The following SEMA3D variants were observed in gnomAD, a reference collection of about 807,000 sequenced individuals.
SEMA3D encodes the protein semaphorin 3D.
In SEMA3D, 84 loss-of-function variants were observed where a neutral mutation model predicts 100.1. The observed-to-expected ratio is 0.84, with a 90% CI of 0.70 to 1.01. The LOEUF is 1.01. Ranked by LOEUF, SEMA3D falls within the 50% of genes least tolerant of loss-of-function variation. The pLI is 0.00. For synonymous variants in SEMA3D, 312 were observed against 320.7 expected (o/e 0.97, Z 0.29); for missense variants, 875 against 934.1 (o/e 0.94, Z 0.82).
chr7:85,138,721 G>C (rs1265074192), intron 2 of SEMA3D, among the ~76,000 whole-genome samples: 1 of 149,778 alleles, frequency 6.7e-6, no homozygotes, highest in Non-Finnish European at 1.5e-5. Flanking sequence ...TGTGCAGGTG[G>C]GTTACATAGG....
the SEMA3D span, among the ~76,000 whole-genome samples, chr7:85,203,636 CA>C: frequency 6.6e-6 from 1 of 152,042 alleles, no homozygotes. Context: ...GTGAGAATGT[CA>C]GCAGTGTTAA....
chr7:85,051,610 G>A (rs1375629340), intron 9 of SEMA3D, among the ~76,000 whole-genome samples: 1 of 151,840 alleles, frequency 6.6e-6, no homozygotes, highest in Non-Finnish European at 1.5e-5. Flanking sequence ...TTCAAGATCT[G>A]CCAGTGTACT....
In SEMA3D at chr7:85,034,212, T is replaced by G. The variant is rs375596941; in HGVS notation, c.1191+2677A>C. ...TGTTTGTAAAACCTTTAGAATAATATCCCCATATCCTAAGTGCTATATTAC... is the reference window on the plus strand; with the variant it reads ...TGTTTGTAAAACCTTTAGAATAATAGCCCCATATCCTAAGTGCTATATTAC... On this transcript the variant is annotated intron_variant, in intron 12 of 18. Coordinates refer to ENST00000284136, the MANE Select transcript of SEMA3D (RefSeq NM_001384900.1). Among the ~76,000 whole-genome samples, 5 of 152,158 alleles carry G rather than the reference T, an allele frequency of 3.3e-5. No homozygotes were observed. In the East Asian group the frequency reaches 5.8e-4, roughly 18 times the overall value.
the SEMA3D span, among the ~76,000 whole-genome samples, chr7:85,233,229 G>C: frequency 6.6e-6 from 1 of 151,606 alleles, no homozygotes; most frequent in African/African-American, 2.4e-5. Flanking sequence ...TTGAACAACG[G>C]CTAGCGCGAA....
chr7:85,232,729 G>A, the SEMA3D span, among the ~76,000 whole-genome samples: 1 of 152,132 alleles, frequency 6.6e-6, no homozygotes, highest in Non-Finnish European at 1.5e-5. Context: ...ACAGGTGGAG[G>A]TTAGAGACTT....
chr7:85,020,299 A>T lies in SEMA3D; in HGVS notation c.1437T>A (p.Val479=). ...LGTDIGTVLK[V]VSISKEKWNM... is the part of the protein sequence containing the mutation. ...TCCACTTTTCCTTTGAAATGCTGACAACTTTGAGGACAGTTCCAATGTCTG... is the reference window on the plus strand; with the variant it reads ...TCCACTTTTCCTTTGAAATGCTGACTACTTTGAGGACAGTTCCAATGTCTG... Residue 479 remains valine, a synonymous_variant, in exon 14 of 19, where the codon GTT becomes GTA. Coordinates refer to ENST00000284136, the MANE Select transcript of SEMA3D (RefSeq NM_001384900.1). 3 of 1,609,856 alleles carry T rather than the reference A, an allele frequency of 1.9e-6. No homozygotes were observed. The highest frequency in any genetic ancestry group is 8.5e-7 in the Non-Finnish European group (1 of 1,177,226).
chr7:85,232,736 A>T, the SEMA3D span, among the ~76,000 whole-genome samples: 1 of 152,184 alleles, frequency 6.6e-6, no homozygotes, highest in Non-Finnish European at 1.5e-5. Context: ...GAGGTTAGAG[A>T]CTTCCTTAAA....
At chr7:85,066,913 C>CATACACACACACAGAG in intron 7 of SEMA3D, among the ~76,000 whole-genome samples, 12 of 127,760 alleles carry the variant, frequency 9.4e-5, no homozygotes, top group Admixed American at 5.4e-4. Context: ...CACACACACA[C>CATACACACACACAGAG]AGAGAGAGAG....
intron 5 of SEMA3D, among the ~76,000 whole-genome samples, chr7:85,074,718 G>A (rs1791875517): frequency 6.6e-6 from 1 of 151,858 alleles, no homozygotes; most frequent in East Asian, 1.9e-4. Context: ...CCAGGCCCAA[G>A]CAATTCTTTA....
chr7:85,204,472 C>T, the SEMA3D span, among the ~76,000 whole-genome samples: 1 of 152,064 alleles, frequency 6.6e-6, no homozygotes, highest in Non-Finnish European at 1.5e-5. Flanking sequence ...GTTAGTCCTC[C>T]AGGCCCAACC....
chr7:85,009,967 T>G (rs1308770526), intron 17 of SEMA3D, among the ~76,000 whole-genome samples: 1 of 151,562 alleles, frequency 6.6e-6, no homozygotes, highest in Non-Finnish European at 1.5e-5. Context: ...AAGGAATATC[T>G]GCTGCAAAAC....
At chr7:85,091,945 G>T (rs1583913850) in intron 4 of SEMA3D, among the ~76,000 whole-genome samples, 1 of 151,982 alleles carries the variant, frequency 6.6e-6, no homozygotes, top group East Asian at 1.9e-4. Context: ...TAAACTATGA[G>T]AAATCTACAT....
chr7:85,017,317 G>A (rs1398429521), intron 15 of SEMA3D, among the ~76,000 whole-genome samples: 1 of 151,666 alleles, frequency 6.6e-6, no homozygotes, highest in Non-Finnish European at 1.5e-5. Flanking sequence ...ACTGTGCAGT[G>A]TAAGTGTCTT....
intron 1 of SEMA3D, among the ~76,000 whole-genome samples, chr7:85,174,844 T>C (rs1791183676): frequency 6.6e-6 from 1 of 152,012 alleles, no homozygotes; most frequent in Non-Finnish European, 1.5e-5. Context: ...CAGAGCCCCT[T>C]AGGGAAAGAG....
At chr7:85,036,768 A>G in intron 12 of SEMA3D, 121 bp downstream of exon 12, 1 of 734,362 alleles carries the variant, frequency 1.4e-6, no homozygotes, top group East Asian at 2.8e-5. Context: ...CTAATACTTC[A>G]CTGCAAATAA....
intron 8 of SEMA3D, among the ~76,000 whole-genome samples, chr7:85,063,722 A>G (rs953685024): frequency 7.9e-5 from 12 of 152,162 alleles, no homozygotes; most frequent in Admixed American, 4.6e-4. Flanking sequence ...CTATTAAAAA[A>G]CATGCTATTG....
chr7:85,115,634 A>G (rs1260168321), intron 3 of SEMA3D, among the ~76,000 whole-genome samples: 16 of 152,052 alleles, frequency 1.1e-4, no homozygotes, highest in Non-Finnish European at 2.4e-4. Context: ...AGTATTATAT[A>G]TAGTCAAATG....
chr7:85,225,267 GTTC>G, the SEMA3D span, among the ~76,000 whole-genome samples: 3 of 149,152 alleles, frequency 2.0e-5, no homozygotes, highest in African/African-American at 7.4e-5. Flanking sequence ...AATAAGCTGT[GTTC>G]TTCTAATCTG....
Position 85,006,852 on chromosome 7 carries a change from C to T in SEMA3D, c.1858G>A (p.Ala620Thr). Residue 620 changes from alanine to threonine, a missense_variant, in exon 18 of 19, where the codon GCA (alanine) becomes ACA (threonine). Coordinates refer to ENST00000284136, the MANE Select transcript of SEMA3D (RefSeq NM_001384900.1). ...CTCTGGATATACCATTTAATAGTTGCTTGTTGGGATTTAGGTATACATTCC... is the reference window on the plus strand; with the variant it reads ...CTCTGGATATACCATTTAATAGTTGTTTGTTGGGATTTAGGTATACATTCC... ...FLECIPKSQQ[A>T]TIKWYIQRSG... 1 of 1,610,738 alleles carries T rather than the reference C, an allele frequency of 6.2e-7. No individual in the cohort carries two copies.
Sources: gnomAD v4.1 joint callset for allele counts (sites outside exome capture counted in the v4.1 genomes callset) on GRCh38, gnomAD v4.1.1 for gene constraint, MANE v1.5 for transcripts, NCBI Gene and HGNC (gene_info 2026-07-23, HGNC 2026-07-21) for gene names.